The following SPECC1 variants were observed in gnomAD, a reference collection of about 807,000 sequenced individuals.
SPECC1 encodes the protein sperm antigen with calponin homology and coiled-coil domains 1.
SPECC1 carries 62 observed loss-of-function variants against 104.1 expected under a neutral mutation model. The observed-to-expected ratio is 0.60, with a 90% confidence interval of 0.49 to 0.74. The LOEUF is 0.74. SPECC1 is among the 30% of genes least tolerant of loss of function. SPECC1 has a pLI of 0.00. For synonymous variants in SPECC1, 513 were observed against 501.6 expected, an observed-to-expected ratio of 1.02 and a Z score of -0.30; for missense variants, 1,306 against 1,310.5, an observed-to-expected ratio of 1.00 and a Z score of 0.05.
chr17:20,104,094 G>A (rs1332689093), intron 2 of SPECC1, among the ~76,000 whole-genome samples: 1 of 152,212 alleles, frequency 6.6e-6, no homozygotes, highest in African/African-American at 2.4e-5. Context: ...AAATCAGCAT[G>A]TTTGAAGTGG....
chr17:20,040,151 GTA>G (rs60448573), intron 1 of SPECC1, among the ~76,000 whole-genome samples: 9,911 of 149,990 alleles, frequency 0.066, 355 homozygotes, highest in Non-Finnish European at 0.081. Flanking sequence ...TACATTATAT[GTA>G]TATATATATA....
At chr17:20,120,674 A>G (rs573963444) in intron 3 of SPECC1, among the ~76,000 whole-genome samples, 1 of 152,338 alleles carries the variant, frequency 6.6e-6, no homozygotes, top group Non-Finnish European at 1.5e-5. Flanking sequence ...TACGATGCAT[A>G]GCATGGTATT....
intron 1 of SPECC1, among the ~76,000 whole-genome samples, chr17:20,052,151 T>C (rs566807530): frequency 1.3e-5 from 2 of 152,234 alleles, no homozygotes; most frequent in African/African-American, 4.8e-5. Flanking sequence ...GTTTCTCCAT[T>C]ATTTCATTAG....
intron 13 of SPECC1, among the ~76,000 whole-genome samples, chr17:20,300,316 C>T (rs2041525607): frequency 1.3e-5 from 2 of 152,226 alleles, no homozygotes. Flanking sequence ...TCACGGGTCA[C>T]AGGTGTCATC....
intron 1 of SPECC1, among the ~76,000 whole-genome samples, chr17:20,035,639 C>G (rs554010509): frequency 1.3e-5 from 2 of 151,344 alleles, no homozygotes; most frequent in Non-Finnish European, 2.9e-5. Flanking sequence ...GAGATGTGGT[C>G]TCATTATGCT....
chr17:20,138,509 C>T (rs1378107436), intron 3 of SPECC1, among the ~76,000 whole-genome samples: 1 of 152,178 alleles, frequency 6.6e-6, no homozygotes, highest in African/African-American at 2.4e-5. Flanking sequence ...CCAAAATCCT[C>T]TGTGCTCTGC....
chr17:20,117,478 T>C (rs2048816231), intron 3 of SPECC1, among the ~76,000 whole-genome samples: 1 of 151,958 alleles, frequency 6.6e-6, no homozygotes, highest in South Asian at 2.1e-4. Context: ...AAAGAGTTTA[T>C]ACAAATCAAT....
chr17:20,013,930 A>G (rs1173871548), intron 1 of SPECC1, among the ~76,000 whole-genome samples: 1 of 151,992 alleles, frequency 6.6e-6, no homozygotes, highest in Non-Finnish European at 1.5e-5. Context: ...GTACATGAAC[A>G]CTCTAGTACA....
At chr17:20,213,772 T>G (rs1293223422) in intron 4 of SPECC1, among the ~76,000 whole-genome samples, 2 of 152,068 alleles carry the variant, frequency 1.3e-5, no homozygotes, top group African/African-American at 2.4e-5. Flanking sequence ...ATGCAGGTAG[T>G]TTGTCCTTGT....
chr17:20,241,356 T>G (rs2039192579), intron 7 of SPECC1, among the ~76,000 whole-genome samples: 3 of 152,170 alleles, frequency 2.0e-5, no homozygotes, highest in Admixed American at 1.3e-4. Flanking sequence ...TAAACCAACC[T>G]TGGCCTTCTC....
chr17:20,101,963 A>C (rs2047966261), intron 2 of SPECC1, among the ~76,000 whole-genome samples: 1 of 152,212 alleles, frequency 6.6e-6, no homozygotes, highest in African/African-American at 2.4e-5. Flanking sequence ...TCTGTGAGGC[A>C]TTTGAACTTT....
intron 1 of SPECC1, among the ~76,000 whole-genome samples, chr17:20,076,050 A>G (rs1372454140): frequency 3.9e-5 from 6 of 152,208 alleles, no homozygotes; most frequent in Non-Finnish European, 4.4e-5. Context: ...CTAGGAATTC[A>G]AGGTTACAAT....
chr17:20,257,555 A>G lies in SPECC1; in HGVS notation c.2785A>G (p.Thr929Ala). The change falls in exon 11 of 15, where the codon ACA (threonine) becomes GCA (alanine). Residue 929 changes from threonine (T) to alanine (A), a missense_variant. Physicochemically the swap from Thr to Ala is moderately conservative, Grantham distance 58. This residue lies in a region of SPECC1 where 1,177 missense variants were observed against 1,139.9 expected (regional missense o/e 1.03). Coordinates refer to ENST00000395527, the MANE Select transcript of SPECC1 (RefSeq NM_001243439.2). ...SRPPSLGFGD[T>A]RLLSASTRAW... ...ACCCCCGTCTCTGGGCTTTGGGGAC[A>G]CAAGACTGCTGAGTGCTTCCACCCG... 6.2e-7 allele frequency: 1 copy of G among 1,613,660 alleles called. No homozygotes were observed. Among genetic ancestry groups the G allele is most frequent in the Middle Eastern group, 1.7e-4 (1 of 6,060 alleles).
chr17:20,260,414 A>G, intron 12 of SPECC1, 120 bp downstream of exon 12: 1 of 820,448 alleles, frequency 1.2e-6, no homozygotes, highest in Non-Finnish European at 1.9e-6. Context: ...TCATCTTTCT[A>G]TTCTCCTAGG....
intron 1 of SPECC1, among the ~76,000 whole-genome samples, chr17:20,088,287 C>G (rs1218425085): frequency 6.6e-6 from 1 of 152,044 alleles, no homozygotes; most frequent in Non-Finnish European, 1.5e-5. Flanking sequence ...TGAAATTTAC[C>G]ATCTTAACCA....
At chr17:20,211,607 A>G (rs986304136) in intron 4 of SPECC1, among the ~76,000 whole-genome samples, 2 of 152,266 alleles carry the variant, frequency 1.3e-5, no homozygotes, top group East Asian at 1.9e-4. Flanking sequence ...TGTGATAGGC[A>G]TGTGGCCCGG....
chr17:20,294,962 G>T (rs944771912), intron 12 of SPECC1, among the ~76,000 whole-genome samples: 2 of 151,912 alleles, frequency 1.3e-5, no homozygotes, highest in Non-Finnish European at 2.9e-5. Flanking sequence ...AGCAAATTTG[G>T]GAAGTTTATT....
At chr17:20,147,165 G>A (rs1338867098) in intron 3 of SPECC1, among the ~76,000 whole-genome samples, 1 of 147,540 alleles carries the variant, frequency 6.8e-6, no homozygotes, top group Non-Finnish European at 1.5e-5. Context: ...TCCGCCTCCT[G>A]GGTTCAAGTG....
At chr17:20,264,927 T>G (rs1348780831) in intron 12 of SPECC1, among the ~76,000 whole-genome samples, 1 of 152,244 alleles carries the variant, frequency 6.6e-6, no homozygotes, top group Non-Finnish European at 1.5e-5. Context: ...TCCAGCTGCA[T>G]CCATGTTTTT....
Sources: gnomAD v4.1 joint callset for allele counts (sites outside exome capture counted in the v4.1 genomes callset) on GRCh38, gnomAD v4.1.1 for gene constraint, gnomAD v4.1.1 regional missense constraint, MANE v1.5 for transcripts, NCBI Gene and HGNC (gene_info 2026-07-23, HGNC 2026-07-21) for gene names.